LYST: variants seen among roughly 807,000 people sequenced by gnomAD.
The protein encoded by LYST is lysosomal-trafficking regulator.
LYST carries 192 observed loss-of-function variants against 413.6 expected under a neutral mutation model. That is an observed-to-expected ratio of 0.46 (90% CI 0.41 to 0.52). The LOEUF is 0.52. Among genes scored for constraint, LYST ranks in the 20% least tolerant of loss-of-function variants. The pLI, the probability that LYST is intolerant of heterozygous loss-of-function variation, is 0.00. For missense variants in LYST, 3,815 were observed against 4,499.9 expected (o/e 0.85, Z 4.35); for synonymous variants, 1,525 against 1,567.3 (o/e 0.97, Z 0.64).
At chr1:235,797,351 T>C (rs1420603514) in intron 10 of LYST, among the ~76,000 whole-genome samples, 1 of 152,190 alleles carries the variant, frequency 6.6e-6, no homozygotes, top group African/African-American at 2.4e-5. Context: ...CACTACTTAA[T>C]GCAAGTGATC....
At chr1:235,787,668 T>C (rs1670571321) in intron 13 of LYST, among the ~76,000 whole-genome samples, 1 of 152,238 alleles carries the variant, frequency 6.6e-6, no homozygotes, top group South Asian at 2.1e-4. Flanking sequence ...ACTATTTATA[T>C]AGCCATTGCC....
chr1:235,663,174 C>G, intron 52 of LYST, 96 bp from the exon 53 acceptor site: 1 of 844,896 alleles, frequency 1.2e-6, no homozygotes, highest in Admixed American at 1.9e-5. Context: ...AAGAAGTTAT[C>G]TTCAGTGGCG....
At chr1:235,841,770 T>C (rs537038312) in intron 1 of LYST, among the ~76,000 whole-genome samples, 39 of 152,192 alleles carry the variant, frequency 2.6e-4, no homozygotes, top group Non-Finnish European at 5.0e-4. Context: ...ATTGCAGATA[T>C]AGAAAACAGG....
At chr1:235,720,626 G>GATGAACCC in intron 40 of LYST, 35 bp downstream of exon 40, 11 of 1,605,600 alleles carry the variant, frequency 6.9e-6, no homozygotes, top group Non-Finnish European at 8.5e-6. Context: ...CATATGGATG[G>GATGAACCC]ATGAACCCTA....
intron 39 of LYST, 118 bp from the exon 40 acceptor site, chr1:235,721,023 A>AT (rs1663316607): frequency 4.8e-6 from 5 of 1,046,286 alleles, no homozygotes; most frequent in South Asian, 2.7e-5. Context: ...CCAAAAAAAG[A>AT]TTTTTTTCTC....
intron 3 of LYST, chr1:235,828,837 A>G (rs1024914080): frequency 2.6e-6 from 2 of 757,266 alleles, no homozygotes; most frequent in African/African-American, 1.9e-5. Flanking sequence ...TTATTTACAG[A>G]AAAGTCATAC....
chr1:235,851,359 T>C (rs7547366), intron 1 of LYST, among the ~76,000 whole-genome samples: 10,941 of 149,052 alleles, frequency 0.073, 1,331 homozygotes, highest in African/African-American at 0.25. Flanking sequence ...GCTATGAGGA[T>C]GCAAAGGCAT....
intron 44 of LYST, among the ~76,000 whole-genome samples, chr1:235,703,582 T>A (rs1422068849): frequency 6.6e-6 from 1 of 152,216 alleles, no homozygotes; most frequent in Admixed American, 6.5e-5. Context: ...TTTGTACATA[T>A]CCACTTGATG....
intron 14 of LYST, among the ~76,000 whole-genome samples, chr1:235,786,044 A>G (rs1670376213): frequency 6.6e-6 from 1 of 152,204 alleles, no homozygotes; most frequent in African/African-American, 2.4e-5. Context: ...GCCTAATTTA[A>G]TTTAGGTATT....
At position 235,787,214 on chromosome 1, in the gene LYST, C is replaced by G. The variant is rs753248220; in HGVS notation, c.4848G>C (p.Trp1616Cys). The G allele has an allele frequency of 1.2e-6, 2 of 1,613,472 alleles. No homozygotes were observed. Among genetic ancestry groups the G allele is most frequent in the East Asian group, 2.2e-5 (1 of 44,824 alleles). The change falls in exon 14 of 53, where the codon TGG (tryptophan) becomes TGC (cysteine). Residue 1616 changes from tryptophan to cysteine, a missense_variant. By Grantham distance (215) the Trp-to-Cys change is radical. Around this residue, in one of 4 missense-constraint regions of LYST, gnomAD observed 530 missense variants for 696.5 expected, o/e 0.76. Coordinates refer to ENST00000389793, the MANE Select transcript of LYST (RefSeq NM_000081.4). ...KRRIHGKISI[W>C]VSGQRKPDVT... ...ATGCTTCCTACCTCTGTCCAGAGAC[C>G]CATATGGAGATTTTCCCATGAATCC...
In LYST at chr1:235,810,183, T is replaced by G. The variant is rs751904873; in HGVS notation, c.635A>C (p.Glu212Ala). Reference protein sequence around the residue: ...KAKLDRLATKEQTPPDAMALE... With the variant: ...KAKLDRLATKAQTPPDAMALE... Reference sequence around the variant, plus strand: ...AGCCATAGCATCTGGAGGAGTCTGTTCTTTGGTTGCTAAGCGGTCAAGTTT... The same window carrying G: ...AGCCATAGCATCTGGAGGAGTCTGTGCTTTGGTTGCTAAGCGGTCAAGTTT... The change falls in exon 5 of 53, where the codon GAA becomes GCA. Residue 212 changes from glutamate to alanine, a missense_variant. Physicochemically the swap from Glu to Ala is moderately radical, Grantham distance 107 (BLOSUM62 -1). Around this residue, in one of 4 missense-constraint regions of LYST, gnomAD observed 1,648 missense variants for 1,810.3 expected, o/e 0.91. Coordinates refer to ENST00000389793, the MANE Select transcript of LYST (RefSeq NM_000081.4). 1.2e-6 allele frequency: 2 copies of G among 1,614,146 alleles called. No homozygotes were observed. Among genetic ancestry groups the G allele is most frequent in the South Asian group, 2.2e-5 (2 of 91,082 alleles).
In LYST at chr1:235,709,320, GATTAAT is replaced by G. The variant is rs1229494287; in HGVS notation, c.9926-18_9926-13del. The G allele has an allele frequency of 1.3e-6, 2 of 1,590,596 alleles. No homozygotes were observed. The highest frequency in any genetic ancestry group is 1.7e-6 in the Non-Finnish European group (2 of 1,165,220). On this transcript the variant is annotated splice_polypyrimidine_tract_variant and intron_variant, in intron 43 of 52. Transcript: ENST00000389793. ...ACCAAAATCAAAACCTAAAAGAGAA[GATTAAT>G]ATTAATATTTAACTCCCCCACAGCA... is the stretch of plus-strand genomic sequence containing the variant.
At chr1:235,816,333 C>T (rs1199822135) in intron 3 of LYST, among the ~76,000 whole-genome samples, 5 of 145,004 alleles carry the variant, frequency 3.4e-5, no homozygotes, top group Non-Finnish European at 6.0e-5. Context: ...CCCAGCTACT[C>T]GGGAGCTGAG....
At chr1:235,714,773 C>T (rs1350404442) in intron 42 of LYST, among the ~76,000 whole-genome samples, 3 of 152,168 alleles carry the variant, frequency 2.0e-5, no homozygotes, top group Non-Finnish European at 2.9e-5. Context: ...CTTTTATTAA[C>T]TAGTTATAAT....
intron 40 of LYST, among the ~76,000 whole-genome samples, chr1:235,718,152 C>G (rs1047109611): frequency 4.6e-5 from 7 of 151,978 alleles, no homozygotes; most frequent in South Asian, 4.2e-4. Context: ...GCGTGAGCCA[C>G]CACGCCTGGC....
At position 235,826,822 on chromosome 1, in the gene LYST, T is replaced by C. The variant is rs185756820; in HGVS notation, c.192+3404A>G. 1.4e-4 allele frequency among the ~76,000 whole-genome samples: 21 copies of C among 152,122 alleles called. No homozygotes were observed. In the East Asian group the frequency reaches 2.3e-3, roughly 17 times the overall value. On this transcript the variant is annotated intron_variant, in intron 3 of 52. Coordinates refer to ENST00000389793, the MANE Select transcript of LYST (RefSeq NM_000081.4). ...TCAGCCTCCTGAGTAGCTGGGACTATAGGCACACACCACCACACCTGGCTA... is the reference window on the plus strand; with the variant it reads ...TCAGCCTCCTGAGTAGCTGGGACTACAGGCACACACCACCACACCTGGCTA...
In LYST at chr1:235,770,310, A is replaced by C; in HGVS notation, c.5785-13T>G. The C allele has an allele frequency of 1.2e-6, 2 of 1,613,458 alleles. No homozygotes were observed. Among genetic ancestry groups the C allele is most frequent in the Non-Finnish European group, 1.7e-6 (2 of 1,179,530 alleles). On this transcript the variant is annotated splice_polypyrimidine_tract_variant and intron_variant, in intron 19 of 52. Transcript: ENST00000389793. ...CCCAAACACCTTGCTGAAGAGATAA[A>C]CACACACCAATAAGCACATACTTAC...
At position 235,724,056 on chromosome 1, in the gene LYST, G is replaced by A; in HGVS notation, c.9287C>T (p.Thr3096Ile). 6.2e-7 allele frequency: 1 copy of A among 1,613,724 alleles called. No individual in the cohort carries two copies. The highest frequency in any genetic ancestry group is 1.1e-5 in the South Asian group (1 of 91,078). ...GGTGTTATCAAATGCCAACAGGAGT[G>A]TTCTGCCATTTGTTAGAAAGATTTC... ...AVEIFLTNGR[T>I]LLLAFDNTKV... Residue 3096 changes from threonine (T) to isoleucine (I), a missense_variant, in exon 39 of 53, where the codon ACA (threonine) becomes ATA (isoleucine). By Grantham distance (89) the Thr-to-Ile change is moderately conservative. Coordinates refer to ENST00000389793, the MANE Select transcript of LYST (RefSeq NM_000081.4).
At chr1:235,845,041 G>A (rs1260217335) in intron 1 of LYST, among the ~76,000 whole-genome samples, 3 of 152,114 alleles carry the variant, frequency 2.0e-5, no homozygotes, top group Non-Finnish European at 2.9e-5. Context: ...GGCTTGCATT[G>A]TGAATTTGAG....
Sources: gnomAD v4.1 joint callset for allele counts (sites outside exome capture counted in the v4.1 genomes callset) on GRCh38, gnomAD v4.1.1 for gene constraint, gnomAD v4.1.1 regional missense constraint, MANE v1.5 for transcripts, NCBI Gene and HGNC (gene_info 2026-07-23, HGNC 2026-07-21) for gene names.